The following CCSER1 variants were observed in gnomAD, a reference collection of about 807,000 sequenced individuals.
The protein encoded by CCSER1 is serine-rich coiled-coil domain-containing protein 1.
A neutral mutation model predicts 82.0 loss-of-function variants in CCSER1; 41 were observed. The observed-to-expected ratio is 0.50, with a 90% CI of 0.39 to 0.65. CCSER1 has a LOEUF of 0.65. Ranked by LOEUF, CCSER1 falls within the 30% of genes least tolerant of loss-of-function variation. The probability of loss-of-function intolerance (pLI) is 0.00; values close to 1 mark genes in which losing one functional copy is unlikely to be tolerated. For missense variants in CCSER1, 1,119 were observed against 1,064.2 expected (o/e 1.05, Z -0.72); for synonymous variants, 414 against 383.9 (o/e 1.08, Z -0.92).
At chr4:90,927,084 T>C (rs1010733328) in intron 9 of CCSER1, among the ~76,000 whole-genome samples, 6 of 152,074 alleles carry the variant, frequency 3.9e-5, no homozygotes, top group Non-Finnish European at 8.8e-5. Context: ...AGATCTTATA[T>C]TCTGACAGTG....
intron 10 of CCSER1, among the ~76,000 whole-genome samples, chr4:91,559,771 T>C (rs1762570469): frequency 7.4e-6 from 1 of 135,218 alleles, no homozygotes; most frequent in Non-Finnish European, 1.6e-5. Flanking sequence ...AGAAAAATTA[T>C]ATTTATTTTT....
intron 10 of CCSER1, among the ~76,000 whole-genome samples, chr4:91,104,961 G>T (rs1449390311): frequency 6.6e-6 from 1 of 152,120 alleles, no homozygotes; most frequent in Non-Finnish European, 1.5e-5. Context: ...CATAGATTGT[G>T]TGGTGGTGAA....
intron 10 of CCSER1, among the ~76,000 whole-genome samples, chr4:91,512,260 T>G (rs564955527): frequency 3.3e-5 from 5 of 152,324 alleles, no homozygotes; most frequent in African/African-American, 1.2e-4. Flanking sequence ...GGGTACCATC[T>G]AATCAACTGC....
chr4:90,382,924 C>T (rs577109777), intron 3 of CCSER1, among the ~76,000 whole-genome samples: 72 of 152,232 alleles, frequency 4.7e-4, no homozygotes, highest in African/African-American at 1.7e-3. Flanking sequence ...TGTTATTGCA[C>T]AGTACTTAAC....
At chr4:91,277,066 T>A (rs1338689487) in intron 10 of CCSER1, among the ~76,000 whole-genome samples, 2 of 152,118 alleles carry the variant, frequency 1.3e-5, no homozygotes, top group African/African-American at 4.8e-5. Context: ...GGTATTTTGT[T>A]GAGGATTTTT....
intron 1 of CCSER1, among the ~76,000 whole-genome samples, chr4:90,242,799 T>C (rs948116222): frequency 4.6e-5 from 7 of 152,204 alleles, no homozygotes; most frequent in Non-Finnish European, 1.0e-4. Flanking sequence ...GGACCTGTTG[T>C]AAGTTTTAAA....
intron 9 of CCSER1, among the ~76,000 whole-genome samples, chr4:91,048,594 A>G (rs962748445): frequency 6.6e-6 from 1 of 152,110 alleles, no homozygotes. Flanking sequence ...TTTATAATAA[A>G]TTTCATACAT....
intron 6 of CCSER1, among the ~76,000 whole-genome samples, chr4:90,704,042 T>C (rs1454894783): frequency 2.6e-5 from 4 of 152,190 alleles, no homozygotes; most frequent in Admixed American, 6.5e-5. Flanking sequence ...ATTTTGCTCA[T>C]CAGTTGATGC....
chr4:91,581,694 T>C (rs564326661), intron 10 of CCSER1, among the ~76,000 whole-genome samples: 33 of 151,692 alleles, frequency 2.2e-4, no homozygotes, highest in Non-Finnish European at 4.6e-4. Context: ...CTTGAGTAAA[T>C]TCAAAAATAA....
intron 10 of CCSER1, among the ~76,000 whole-genome samples, chr4:91,315,415 G>C (rs1053844644): frequency 1.3e-5 from 2 of 151,870 alleles, no homozygotes; most frequent in African/African-American, 4.8e-5. Context: ...TATTTCCACT[G>C]CCAAACCCAG....
chr4:90,460,280 G>C (rs1487546651), intron 4 of CCSER1, among the ~76,000 whole-genome samples: 10 of 129,234 alleles, frequency 7.7e-5, no homozygotes, highest in Admixed American at 1.5e-4. Flanking sequence ...AGTCGAGATC[G>C]CGCCACTGCA....
chr4:91,298,643 TA>T (rs1744414567), intron 10 of CCSER1, among the ~76,000 whole-genome samples: 1 of 151,608 alleles, frequency 6.6e-6, no homozygotes, highest in African/African-American at 2.4e-5. Context: ...AAAGTAAGAG[TA>T]AAAATATCAT....
chr4:90,468,778 A>G (rs780076099), intron 5 of CCSER1, among the ~76,000 whole-genome samples: 9 of 152,134 alleles, frequency 5.9e-5, no homozygotes, highest in Non-Finnish European at 1.2e-4. Flanking sequence ...TATTTTTACT[A>G]AATTAGAACA....
chr4:90,471,282 C>T (rs1454919695), intron 5 of CCSER1, among the ~76,000 whole-genome samples: 1 of 151,690 alleles, frequency 6.6e-6, no homozygotes, highest in Non-Finnish European at 1.5e-5. Context: ...CACCAATTTT[C>T]TTAACCCCTG....
rs1443997234 is a variant in CCSER1, at chr4:90,604,674, G to C, written c.1725-23351G>C. Among the ~76,000 whole-genome samples, 5 of 152,164 alleles carry C rather than the reference G, an allele frequency of 3.3e-5. No homozygotes were observed. The East Asian group carries it at 9.6e-4, about 29-fold the overall frequency. On this transcript the variant is annotated intron_variant, in intron 5 of 10. Coordinates refer to ENST00000509176, the MANE Select transcript of CCSER1 (RefSeq NM_001145065.2). ...TGGAGAACTTTTATGTCTAGCTAAAGGTTTGTAAATGCACCAATCAGCACT... is the reference window on the plus strand; with the variant it reads ...TGGAGAACTTTTATGTCTAGCTAAACGTTTGTAAATGCACCAATCAGCACT...
At position 91,310,113 on chromosome 4, in the gene CCSER1, A is replaced by G. The variant is rs182285090; in HGVS notation, c.2217+224119A>G. ...TTAATAAAAACACTAGTCATATTAGAGCCCACCTGCTAAAGCTTAGAGTGG... is the reference window on the plus strand; with the variant it reads ...TTAATAAAAACACTAGTCATATTAGGGCCCACCTGCTAAAGCTTAGAGTGG... On this transcript the variant is annotated intron_variant, in intron 10 of 10. Coordinates refer to ENST00000509176, the MANE Select transcript of CCSER1 (RefSeq NM_001145065.2). Among the ~76,000 whole-genome samples, 68 of 152,072 alleles carry G rather than the reference A, an allele frequency of 4.5e-4. 1 individual carries two copies. In the East Asian group the frequency reaches 0.013, roughly 29 times the overall value.
At chr4:91,391,986 TATATAGAC>T (rs1162988119) in intron 10 of CCSER1, among the ~76,000 whole-genome samples, 1 of 152,014 alleles carries the variant, frequency 6.6e-6, no homozygotes, top group Admixed American at 6.6e-5. Context: ...TATATACACA[TATATAGAC>T]ATATAGACAT....
chr4:90,353,904 C>G (rs1407813240), intron 3 of CCSER1, among the ~76,000 whole-genome samples: 1 of 152,120 alleles, frequency 6.6e-6, no homozygotes, highest in Non-Finnish European at 1.5e-5. Flanking sequence ...ATAGATCTGT[C>G]ATATGATCCA....
chr4:91,092,989 C>A (rs560328318), intron 10 of CCSER1, among the ~76,000 whole-genome samples: 1 of 152,238 alleles, frequency 6.6e-6, no homozygotes, highest in African/African-American at 2.4e-5. Flanking sequence ...TATTTTATGT[C>A]CTTTCCCCCG....
Sources: allele counts gnomAD v4.1 joint callset (sites outside exome capture counted in the v4.1 genomes callset), GRCh38; gene constraint gnomAD v4.1.1; transcripts MANE v1.5; gene names NCBI Gene and HGNC (gene_info 2026-07-23, HGNC 2026-07-21).